Variants in CSMD1 observed in about 807,000 individuals in gnomAD.
The protein encoded by CSMD1 is CUB and Sushi multiple domains 1.
In CSMD1, 213 loss-of-function variants were observed where a neutral mutation model predicts 417.5. That is an observed-to-expected ratio of 0.51 (90% confidence interval 0.46 to 0.57). The LOEUF is 0.57. CSMD1 is among the 20% of genes least tolerant of loss of function. The pLI is 0.00. For synonymous variants in CSMD1, 2,862 were observed against 1,736.8 expected, an observed-to-expected ratio of 1.65 and a Z score of -16.11; for missense variants, 6,923 against 4,529.7, an observed-to-expected ratio of 1.53 and a Z score of -15.17.
chr8:3,103,596 C>A (rs1434570741), intron 46 of CSMD1, among the ~76,000 whole-genome samples: 1 of 151,434 alleles, frequency 6.6e-6, no homozygotes, highest in Non-Finnish European at 1.5e-5. Flanking sequence ...TATAATCTTA[C>A]AGGACCACAT....
intron 3 of CSMD1, among the ~76,000 whole-genome samples, chr8:4,078,081 C>A (rs575263334): frequency 6.6e-6 from 1 of 152,222 alleles, no homozygotes; most frequent in South Asian, 2.1e-4. Flanking sequence ...GAAATGCCTA[C>A]ATGCCAAAGA....
chr8:3,440,053 G>A (rs2117057213), intron 12 of CSMD1, among the ~76,000 whole-genome samples: 1 of 152,202 alleles, frequency 6.6e-6, no homozygotes, highest in South Asian at 2.1e-4. Context: ...CTTGATTACT[G>A]GAGCTATATA....
At chr8:3,281,559 C>G (rs964098016) in intron 26 of CSMD1, among the ~76,000 whole-genome samples, 6 of 152,114 alleles carry the variant, frequency 3.9e-5, no homozygotes, top group Non-Finnish European at 8.8e-5. Context: ...AAGTGTCTTA[C>G]TAAGTGAAAG....
In CSMD1 at chr8:4,058,857, A is replaced by C. The variant is rs552253538; in HGVS notation, c.416-26758T>G. On this transcript the variant is annotated intron_variant, in intron 3 of 69. Coordinates refer to ENST00000635120, the MANE Select transcript of CSMD1 (RefSeq NM_033225.6). Reference sequence around the variant, plus strand: ...CAATAATAATGGGAGACTTTAACACACCACTGTCAACATTAGACAGATCAA... The same window carrying C: ...CAATAATAATGGGAGACTTTAACACCCCACTGTCAACATTAGACAGATCAA... 2.1e-3 allele frequency among the ~76,000 whole-genome samples: 316 copies of C among 151,806 alleles called. 1 individual carries two copies. Among genetic ancestry groups the C allele is most frequent in the African/African-American group, 7.0e-3 (289 of 41,200 alleles).
At chr8:4,607,912 G>A (rs777255127) in intron 2 of CSMD1, among the ~76,000 whole-genome samples, 7 of 152,114 alleles carry the variant, frequency 4.6e-5, no homozygotes, top group Non-Finnish European at 7.3e-5. Flanking sequence ...CAAGAGCTTG[G>A]ACACTGGCTA....
chr8:3,246,742 C>T (rs891012669), intron 26 of CSMD1, among the ~76,000 whole-genome samples: 4 of 152,076 alleles, frequency 2.6e-5, no homozygotes, highest in East Asian at 1.9e-4. Context: ...CAAAGTGCTG[C>T]GATTACAGGT....
At chr8:4,465,180 T>C (rs1800090220) in intron 2 of CSMD1, among the ~76,000 whole-genome samples, 1 of 152,136 alleles carries the variant, frequency 6.6e-6, no homozygotes, top group Non-Finnish European at 1.5e-5. Context: ...CCAGAGGGAA[T>C]AGGAAGTCCA....
At chr8:4,443,298 GAAAAT>G (rs1798589588) in intron 2 of CSMD1, among the ~76,000 whole-genome samples, 1 of 152,074 alleles carries the variant, frequency 6.6e-6, no homozygotes, top group South Asian at 2.1e-4. Flanking sequence ...GTATTCGCTA[GAAAAT>G]AAACTTAACT....
intron 3 of CSMD1, among the ~76,000 whole-genome samples, chr8:4,088,287 C>G (rs999042052): frequency 6.6e-6 from 1 of 152,222 alleles, no homozygotes; most frequent in Non-Finnish European, 1.5e-5. Context: ...AATTGCATGG[C>G]CATTGAATAC....
chr8:4,787,508 C>A, intron 1 of CSMD1: 2 of 991,472 alleles, frequency 2.0e-6, no homozygotes, highest in Non-Finnish European at 3.2e-6. Context: ...TTGTATTTTT[C>A]AGTTATTATA....
chr8:4,678,206 T>A (rs1340269120), intron 1 of CSMD1, among the ~76,000 whole-genome samples: 1 of 148,750 alleles, frequency 6.7e-6, no homozygotes, highest in Non-Finnish European at 1.5e-5. Context: ...AGGCCGGGAG[T>A]TCGAGGTCAG....
rs75627537 is a variant in CSMD1, at chr8:4,739,918, C to T, written c.86-102360G>A. Reference sequence around the variant, plus strand: ...AGCCGTTTCTCCACCCTCCCTTCTTCAGTTGCTCTCTGCAGCAACTTAAGC... The same window carrying T: ...AGCCGTTTCTCCACCCTCCCTTCTTTAGTTGCTCTCTGCAGCAACTTAAGC... On this transcript the variant is annotated intron_variant, in intron 1 of 69. Coordinates refer to ENST00000635120, the MANE Select transcript of CSMD1 (RefSeq NM_033225.6). Among the ~76,000 whole-genome samples, 668 of 152,282 alleles carry T rather than the reference C, an allele frequency of 4.4e-3. 6 individuals are homozygous for T. The highest frequency in any genetic ancestry group is 0.015 in the African/African-American group (643 of 41,564).
intron 10 of CSMD1, among the ~76,000 whole-genome samples, chr8:3,502,510 A>C (rs1413582528): frequency 6.6e-6 from 1 of 152,208 alleles, no homozygotes; most frequent in Non-Finnish European, 1.5e-5. Context: ...ATATCCAGAC[A>C]GTGGAATATT....
intron 25 of CSMD1, among the ~76,000 whole-genome samples, chr8:3,298,826 G>C (rs528863457): frequency 2.6e-5 from 4 of 152,182 alleles, no homozygotes; most frequent in South Asian, 2.1e-4. Flanking sequence ...CTGGAGAAGA[G>C]ACAATTTGAA....
chr8:3,642,207 T>C (rs1045251391), intron 7 of CSMD1, among the ~76,000 whole-genome samples: 1 of 151,520 alleles, frequency 6.6e-6, no homozygotes, highest in Non-Finnish European at 1.5e-5. Flanking sequence ...AGATGATGTA[T>C]ATAAAAATAT....
At chr8:4,768,775 G>A (rs1563336923) in intron 1 of CSMD1, among the ~76,000 whole-genome samples, 2 of 152,132 alleles carry the variant, frequency 1.3e-5, no homozygotes, top group Non-Finnish European at 2.9e-5. Flanking sequence ...TACAGTATAG[G>A]CACATCTTAT....
chr8:4,934,610 T>C (rs2117206482), intron 1 of CSMD1, among the ~76,000 whole-genome samples: 1 of 151,658 alleles, frequency 6.6e-6, no homozygotes, highest in East Asian at 1.9e-4. Flanking sequence ...TCTACCTTTT[T>C]ATTTTTCACT....
chr8:3,494,069 GGTTATA>G (rs1554442044), intron 10 of CSMD1, among the ~76,000 whole-genome samples: 1 of 152,074 alleles, frequency 6.6e-6, no homozygotes, highest in Non-Finnish European at 1.5e-5. Context: ...AAGAAATGTT[GGTTATA>G]GTTAATGACA....
chr8:4,221,616 A>G (rs1366002881), intron 3 of CSMD1, among the ~76,000 whole-genome samples: 1 of 152,186 alleles, frequency 6.6e-6, no homozygotes, highest in African/African-American at 2.4e-5. Flanking sequence ...CTCTGAGAAT[A>G]GTGAATAAGA....
Sources: gnomAD v4.1 joint callset for allele counts (sites outside exome capture counted in the v4.1 genomes callset) on GRCh38, gnomAD v4.1.1 for gene constraint, MANE v1.5 for transcripts, NCBI Gene and HGNC (gene_info 2026-07-23, HGNC 2026-07-21) for gene names.